Variants in TACC2 observed in about 807,000 individuals in gnomAD.
TACC2 encodes transforming acidic coiled-coil-containing protein 2.
Under a neutral mutation model 227.3 loss-of-function variants are expected in TACC2, and 137 were observed. The observed-to-expected ratio is 0.60, with a 90% CI of 0.52 to 0.69. TACC2 has a LOEUF of 0.69. TACC2 is among the 30% of genes least tolerant of loss of function. The pLI, the probability that TACC2 is intolerant of heterozygous loss-of-function variation, is 0.00. For missense variants in TACC2, 3,470 were observed against 3,694.4 expected (o/e 0.94, Z 1.57); for synonymous variants, 1,523 against 1,487.5 (o/e 1.02, Z -0.55).
At chr10:122,249,264 C>CA in intron 21 of TACC2, 108 bp downstream of exon 21, 1 of 827,556 alleles carries the variant, frequency 1.2e-6, no homozygotes, top group Admixed American at 2.2e-5. Context: ...GGAAAGGGGG[C>CA]ATCATCCAAG....
At chr10:122,208,014 C>T (rs1372632796) in intron 8 of TACC2, among the ~76,000 whole-genome samples, 3 of 152,200 alleles carry the variant, frequency 2.0e-5, no homozygotes, top group Non-Finnish European at 2.9e-5. Context: ...GAGGAGGTCA[C>T]GGCTGGTGGG....
At chr10:122,189,617 A>T (rs1057268371) in intron 7 of TACC2, among the ~76,000 whole-genome samples, 2 of 152,194 alleles carry the variant, frequency 1.3e-5, no homozygotes, top group Non-Finnish European at 2.9e-5. Context: ...GATCACTTTC[A>T]TGTTGGGAGC....
intron 6 of TACC2, among the ~76,000 whole-genome samples, chr10:122,134,602 C>T (rs2089170547): frequency 6.6e-6 from 1 of 152,232 alleles, no homozygotes; most frequent in African/African-American, 2.4e-5. Context: ...TGGGGCACCC[C>T]CTTCCTGTCT....
chr10:122,030,404 T>A (rs1958797265), intron 2 of TACC2, among the ~76,000 whole-genome samples: 1 of 152,274 alleles, frequency 6.6e-6, no homozygotes, highest in South Asian at 2.1e-4. Context: ...TCAAAATGCC[T>A]TCCAGAACAG....
chr10:122,082,590 C>T (rs1035907730), intron 3 of TACC2, 57 bp from the exon 4 acceptor site: 2 of 1,542,720 alleles, frequency 1.3e-6, no homozygotes, highest in Admixed American at 3.8e-5. Context: ...GACCTGCCTG[C>T]AGTGTGGCTC....
rs1591827641 is a variant in TACC2, at chr10:122,085,809, G to A, written c.3309G>A (p.Trp1103Ter). 2 of 1,613,088 alleles carry A rather than the reference G, an allele frequency of 1.2e-6. No homozygotes were observed. The highest frequency in any genetic ancestry group is 8.5e-7 in the Non-Finnish European group (1 of 1,179,454). ...CCCCGCAGCAGAAAATGGAGTGCTG[G>A]GCCACTTCGGATGCAGAGTCCCCAA... ...VPAPQQKMEC[W>*]ATSDAESPKL... is the part of the protein sequence containing the mutation. The change falls in exon 4 of 23, where the codon TGG (tryptophan) becomes TGA (stop). Residue 1103 changes from tryptophan (W) to a stop codon, truncating the protein, a stop_gained. Coordinates refer to ENST00000369005, the MANE Select transcript of TACC2 (RefSeq NM_206862.4). LOFTEE classifies it high-confidence loss of function.
chr10:122,029,865 C>G (rs10887052), intron 2 of TACC2, among the ~76,000 whole-genome samples: 1 of 150,338 alleles, frequency 6.7e-6, no homozygotes, highest in African/African-American at 2.4e-5. Flanking sequence ...GGACCTCAAG[C>G]TCCCTGCAGG....
chr10:122,140,098 T>G (rs796393491), intron 6 of TACC2, among the ~76,000 whole-genome samples: 24 of 152,342 alleles, frequency 1.6e-4, no homozygotes, highest in African/African-American at 5.8e-4. Context: ...GGCTGGAGAC[T>G]GCAGCCGAAT....
At chr10:122,200,401 G>C (rs549693808) in intron 8 of TACC2, among the ~76,000 whole-genome samples, 48 of 132,022 alleles carry the variant, frequency 3.6e-4, no homozygotes, top group African/African-American at 6.0e-4. Context: ...GAGAGGACGG[G>C]CACCTCACCT....
intron 7 of TACC2, among the ~76,000 whole-genome samples, chr10:122,149,764 G>A (rs1225709245): frequency 6.6e-6 from 1 of 152,252 alleles, no homozygotes; most frequent in Non-Finnish European, 1.5e-5. Flanking sequence ...AAGGGGCTGG[G>A]TTGTTGGGCT....
At chr10:122,163,808 C>T in intron 7 of TACC2, 1 of 1,405,780 alleles carries the variant, frequency 7.1e-7, no homozygotes, top group South Asian at 1.6e-5. Context: ...CAGCTGCTCC[C>T]CTCTGCAGTG....
intron 2 of TACC2, among the ~76,000 whole-genome samples, chr10:122,044,868 C>A (rs2074791272): frequency 6.6e-6 from 1 of 152,004 alleles, no homozygotes; most frequent in African/African-American, 2.4e-5. Context: ...TTTGAAGAAG[C>A]AACTGGGCGA....
At chr10:122,216,317 C>T (rs1033700527) in intron 10 of TACC2, among the ~76,000 whole-genome samples, 10 of 151,962 alleles carry the variant, frequency 6.6e-5, no homozygotes, top group Admixed American at 3.9e-4. Flanking sequence ...GTGTGAGCCT[C>T]GCACAGCAGT....
intron 18 of TACC2, among the ~76,000 whole-genome samples, chr10:122,239,946 C>T (rs2141682416): frequency 6.6e-6 from 1 of 152,296 alleles, no homozygotes; most frequent in East Asian, 1.9e-4. Flanking sequence ...AATAACAGTG[C>T]CTCAACAGAG....
At chr10:122,170,228 C>T (rs897291027) in intron 7 of TACC2, among the ~76,000 whole-genome samples, 113 of 151,724 alleles carry the variant, frequency 7.4e-4, no homozygotes, top group Non-Finnish European at 1.3e-3. Context: ...ACCTTATTCA[C>T]CCAGGTGCTC....
intron 7 of TACC2, among the ~76,000 whole-genome samples, chr10:122,168,966 G>T (rs2093337042): frequency 6.6e-6 from 1 of 152,208 alleles, no homozygotes; most frequent in South Asian, 2.1e-4. Context: ...CTTAGGCATT[G>T]TAAGCAATTG....
intron 3 of TACC2, chr10:122,051,277 C>G (rs1442786794): frequency 6.6e-6 from 1 of 152,308 alleles, no homozygotes; most frequent in Admixed American, 6.6e-5. Flanking sequence ...GTCTCTAACT[C>G]CTGACCTCAG....
In TACC2 at chr10:122,021,917, T is replaced by G; in HGVS notation, c.-45-20T>G. ...TCTTTTTTCATTTCACAGACGTTTA[T>G]ACCCTTTTGTTTCTTCCAGTCACCT... On this transcript the variant is annotated intron_variant, in intron 1 of 22. Coordinates refer to ENST00000369005, the MANE Select transcript of TACC2 (RefSeq NM_206862.4). 1.4e-6 allele frequency: 2 copies of G among 1,462,744 alleles called. No homozygotes were observed. Among genetic ancestry groups the G allele is most frequent in the Non-Finnish European group, 1.9e-6 (2 of 1,042,234 alleles). The allele number at this position is 1,462,744 out of a possible 1,614,324, so 90.6% of individuals were successfully genotyped here.
Position 122,050,856 on chromosome 10 carries a change from C to A in TACC2, c.146+306C>A, listed in dbSNP as rs2075594148. The A allele has an allele frequency of 6.1e-6, 2 of 330,056 alleles. No individual in the cohort carries two copies. The highest frequency in any genetic ancestry group is 1.1e-5 in the Non-Finnish European group (2 of 179,102). 20.4% of individuals were successfully genotyped at this position (330,056 alleles called of 1,614,324 possible). On this transcript the variant is annotated intron_variant, in intron 3 of 22. Transcript: ENST00000369005. The surrounding 1 kb of genome is among the most constrained non-coding windows in gnomAD (Gnocchi z 4.6). ...TTAAAATGGAAAACATCAAGGGTTC[C>A]CAGGGGTTTATCAGTGTCTAATCCG...
Sources: allele counts gnomAD v4.1 joint callset (sites outside exome capture counted in the v4.1 genomes callset), GRCh38; gene constraint gnomAD v4.1.1; non-coding constraint Gnocchi (gnomAD v3.1); transcripts MANE v1.5; gene names NCBI Gene and HGNC (gene_info 2026-07-23, HGNC 2026-07-21).